Variants in CPNE4 observed in about 807,000 individuals in gnomAD.
CPNE4 encodes copine-4.
In CPNE4, 25 loss-of-function variants were observed where a neutral mutation model predicts 67.9. The ratio of observed to expected loss-of-function variants is 0.37; its 90% CI spans 0.27 to 0.51. CPNE4 has a LOEUF of 0.51. Ranked by LOEUF, CPNE4 falls within the 20% of genes least tolerant of loss-of-function variation. CPNE4 has a pLI of 0.93. For missense variants in CPNE4, 464 were observed against 690.8 expected (o/e 0.67, Z 3.68); for synonymous variants, 242 against 244.9 (o/e 0.99, Z 0.11).
chr3:131,642,762 A>G (rs964763898), intron 7 of CPNE4, among the ~76,000 whole-genome samples: 10 of 152,116 alleles, frequency 6.6e-5, no homozygotes, highest in Non-Finnish European at 1.2e-4. Flanking sequence ...GTGAGGAAGG[A>G]CATGCTTGCT....
chr3:131,916,334 G>C (rs1463206257), intron 1 of CPNE4, among the ~76,000 whole-genome samples: 1 of 121,758 alleles, frequency 8.2e-6, no homozygotes, highest in East Asian at 2.6e-4. Context: ...CGTGGATTTT[G>C]TGTTTCCAGT....
intron 7 of CPNE4, among the ~76,000 whole-genome samples, chr3:131,632,553 A>G (rs1284053946): frequency 6.6e-6 from 1 of 152,162 alleles, no homozygotes; most frequent in Non-Finnish European, 1.5e-5. Context: ...TTGTTGATCT[A>G]TCAACAGCAT....
intron 7 of CPNE4, among the ~76,000 whole-genome samples, chr3:131,647,473 C>A (rs1029299520): frequency 1.8e-4 from 28 of 152,182 alleles, no homozygotes; most frequent in Non-Finnish European, 1.5e-5. Context: ...TGCCCTCCAC[C>A]GTCTCTAATC....
chr3:131,688,874 A>T (rs1005018526), intron 5 of CPNE4, among the ~76,000 whole-genome samples: 8 of 152,094 alleles, frequency 5.3e-5, no homozygotes, highest in African/African-American at 1.9e-4. Context: ...TCTTTTTAAA[A>T]ATTTTGTAAT....
At chr3:131,796,893 G>A (rs867544790) in intron 2 of CPNE4, among the ~76,000 whole-genome samples, 8 of 152,172 alleles carry the variant, frequency 5.3e-5, no homozygotes, top group East Asian at 1.9e-4. Flanking sequence ...ATCTAATGAC[G>A]TTGGCAAGTT....
At chr3:131,571,525 G>C (rs2107676781) in intron 10 of CPNE4, among the ~76,000 whole-genome samples, 1 of 152,152 alleles carries the variant, frequency 6.6e-6, no homozygotes, top group Middle Eastern at 3.4e-3. Context: ...GGTCCACTAT[G>C]CTCTGTCAGT....
chr3:131,935,409 G>T (rs1229541030), intron 1 of CPNE4, among the ~76,000 whole-genome samples: 1 of 152,118 alleles, frequency 6.6e-6, no homozygotes, highest in African/African-American at 2.4e-5. Context: ...TCTGGAAAGT[G>T]GGATGTTTTA....
chr3:131,994,561 T>G (rs1218414741), intron 1 of CPNE4, among the ~76,000 whole-genome samples: 1 of 152,204 alleles, frequency 6.6e-6, no homozygotes, highest in Non-Finnish European at 1.5e-5. Context: ...ATTTTTCACT[T>G]CCAGCCCTTC....
intron 2 of CPNE4, among the ~76,000 whole-genome samples, chr3:131,904,852 T>C (rs570710403): frequency 7.2e-5 from 11 of 152,228 alleles, no homozygotes; most frequent in African/African-American, 2.6e-4. Context: ...CCAAAATTCT[T>C]ATTAAGTCTA....
intron 2 of CPNE4, among the ~76,000 whole-genome samples, chr3:131,887,936 A>T (rs2087960668): frequency 6.6e-6 from 1 of 152,198 alleles, no homozygotes; most frequent in South Asian, 2.1e-4. Flanking sequence ...AGAGATTGCC[A>T]TGTAGGTAAG....
intron 2 of CPNE4, among the ~76,000 whole-genome samples, chr3:131,767,165 T>A (rs1230172232): frequency 6.6e-6 from 1 of 152,164 alleles, no homozygotes; most frequent in African/African-American, 2.4e-5. Context: ...TTTCTCTCTC[T>A]CTCTTTGACT....
chr3:131,806,347 G>A (rs1168019523), intron 2 of CPNE4, among the ~76,000 whole-genome samples: 3 of 152,170 alleles, frequency 2.0e-5, no homozygotes, highest in Non-Finnish European at 4.4e-5. Flanking sequence ...TCAGGAGATC[G>A]AGACCATCCT....
chr3:131,551,976 G>A (rs1304043763), intron 13 of CPNE4, among the ~76,000 whole-genome samples: 1 of 151,218 alleles, frequency 6.6e-6, no homozygotes, highest in Non-Finnish European at 1.5e-5. Context: ...CAAACTCGCT[G>A]AGGCCATGTC....
At chr3:131,785,659 CTCTT>C in intron 2 of CPNE4, among the ~76,000 whole-genome samples, 1 of 97,768 alleles carries the variant, frequency 1.0e-5, no homozygotes, top group East Asian at 2.6e-4. Flanking sequence ...CTCTCTCTCT[CTCTT>C]TCTCTCTTTC....
At chr3:131,575,221 G>C in intron 9 of CPNE4, 91 bp from the exon 10 acceptor site, 1 of 1,064,742 alleles carries the variant, frequency 9.4e-7, no homozygotes, top group Non-Finnish European at 1.4e-6. Flanking sequence ...CTGATAAGCT[G>C]CTAAACCAGA....
At chr3:131,589,947 G>T (rs1164201383) in intron 7 of CPNE4, among the ~76,000 whole-genome samples, 19 of 152,210 alleles carry the variant, frequency 1.2e-4, no homozygotes, top group Non-Finnish European at 2.5e-4. Flanking sequence ...GTGGGACCAA[G>T]ACATGAGAAT....
chr3:131,676,579 T>C (rs1289162135), intron 6 of CPNE4, among the ~76,000 whole-genome samples: 2 of 152,122 alleles, frequency 1.3e-5, no homozygotes, highest in African/African-American at 2.4e-5. Flanking sequence ...TTTCCCTCTA[T>C]ATGTCCGTGT....
At chr3:131,734,824 G>A (rs1456370171) in intron 2 of CPNE4, among the ~76,000 whole-genome samples, 4 of 152,090 alleles carry the variant, frequency 2.6e-5, no homozygotes, top group African/African-American at 7.2e-5. Context: ...CCAGGGAGTC[G>A]AGGCTGCAGT....
intron 2 of CPNE4, among the ~76,000 whole-genome samples, chr3:131,782,231 T>C (rs980304823): frequency 1.2e-4 from 19 of 152,188 alleles, no homozygotes; most frequent in African/African-American, 4.6e-4. Flanking sequence ...GATGACAGTT[T>C]CTAAAATTCA....
Sources: allele counts gnomAD v4.1 joint callset (sites outside exome capture counted in the v4.1 genomes callset), GRCh38; gene constraint gnomAD v4.1.1; transcripts MANE v1.5; gene names NCBI Gene and HGNC (gene_info 2026-07-23, HGNC 2026-07-21).